LUM: variants seen among roughly 807,000 people sequenced by gnomAD.
LUM encodes the protein lumican.
Under a neutral mutation model 20.5 loss-of-function variants are expected in LUM, and 13 were observed. The ratio of observed to expected loss-of-function variants is 0.63; its 90% CI spans 0.41 to 1.01. The LOEUF is 1.01. LUM is among the 50% of genes least tolerant of loss of function. LUM has a pLI of 0.00. For missense variants in LUM, 321 were observed against 391.1 expected, an observed-to-expected ratio of 0.82 and a Z score of 1.51; for synonymous variants, 173 against 151.5, an observed-to-expected ratio of 1.14 and a Z score of -1.04.
intron 2 of LUM, among the ~76,000 whole-genome samples, chr12:91,107,333 GAA>G (rs1439253135): frequency 3.3e-4 from 42 of 127,864 alleles, no homozygotes; most frequent in African/African-American, 1.0e-3. Context: ...AAGAAAGAAA[GAA>G]AGAAAGAAAG....
chr12:91,107,073 G>C (rs1020225011), intron 2 of LUM, among the ~76,000 whole-genome samples: 6 of 150,462 alleles, frequency 4.0e-5, no homozygotes, highest in Non-Finnish European at 8.9e-5. Flanking sequence ...CTGAGCCTGG[G>C]GGGTGGAGGT....
rs1167696203 is a variant in LUM, at chr12:91,108,032, G to A, written c.862+86C>T. On this transcript the variant is annotated intron_variant, in intron 2 of 2. Transcript: ENST00000266718. This position sits in a 1 kb window ranked among gnomAD's most constrained non-coding sequence, Gnocchi z 4.2. Reference sequence around the variant, plus strand: ...CCGGGCGACATTTTGTTTTTTTAATGGAGCCAGATGCAATATCTGTGTTGT... The same window carrying A: ...CCGGGCGACATTTTGTTTTTTTAATAGAGCCAGATGCAATATCTGTGTTGT... 4 of 1,463,836 alleles carry A rather than the reference G, an allele frequency of 2.7e-6. No individual in the cohort carries two copies. Among genetic ancestry groups the A allele is most frequent in the African/African-American group, 2.8e-5 (2 of 71,682 alleles). 90.7% of individuals were successfully genotyped at this position (1,463,836 alleles called of 1,614,324 possible).
At chr12:91,110,661 G>A (rs575768329) in intron 1 of LUM, among the ~76,000 whole-genome samples, 8 of 152,202 alleles carry the variant, frequency 5.3e-5, no homozygotes, top group African/African-American at 1.9e-4. Flanking sequence ...GTATTAAATA[G>A]TAATGAAAAA....
chr12:91,107,993 A>C, intron 2 of LUM, 125 bp downstream of exon 2: 1 of 1,095,556 alleles, frequency 9.1e-7, no homozygotes, highest in Non-Finnish European at 1.4e-6. Context: ...ATTTACAGGA[A>C]TGAGCCACAG....
rs1879957182 is a variant in LUM at position 91,103,493 on chromosome 12, T to C, written c.*672A>G. Reference sequence around the variant, plus strand: ...TATCTTTTGATTTCTAATCTATTGTTTTATGTATTTTATATACAAAGTACA... The same window carrying C: ...TATCTTTTGATTTCTAATCTATTGTCTTATGTATTTTATATACAAAGTACA... On this transcript the variant is annotated 3_prime_UTR_variant, in exon 3 of 3. Transcript: ENST00000266718. 1 of 152,112 alleles carries C rather than the reference T, an allele frequency of 6.6e-6. No homozygotes were observed. Among genetic ancestry groups the C allele is most frequent in the Admixed American group, 6.6e-5 (1 of 15,244 alleles). 9.4% of individuals were successfully genotyped at this position (152,112 alleles called of 1,614,324 possible).
In LUM at chr12:91,102,681, A is replaced by G. The variant is rs1879935662; in HGVS notation, c.*1484T>C. 1 of 152,128 alleles carries G rather than the reference A, an allele frequency of 6.6e-6. No homozygotes were observed. Among genetic ancestry groups the G allele is most frequent in the Admixed American group, 6.6e-5 (1 of 15,246 alleles). The allele number at this position is 152,128 out of a possible 1,614,324, so 9.4% of individuals were successfully genotyped here. The stretch of plus-strand genomic sequence containing the variant: ...AAAAGTAGATTTCAAGTTTAAACCA[A>G]CAAATAAACTGAGGCTGCTATCACA... On this transcript the variant is annotated 3_prime_UTR_variant, in exon 3 of 3. Transcript: ENST00000266718.
In LUM at chr12:91,109,150, A is replaced by AT; in HGVS notation, c.-21-151dup. 6.2e-6 allele frequency: 4 copies of AT among 642,160 alleles called. No individual in the cohort carries two copies. The South Asian group carries it at 8.4e-5, about 14-fold the overall frequency. 39.8% of individuals were successfully genotyped at this position (642,160 alleles called of 1,614,324 possible). A position where few individuals can be genotyped will look rare whatever the true frequency, so the allele number is the denominator to read the frequency against. ...ATCTAACAGCGTCTTTTAAATTTTT[A>AT]TTTAGGTATGAGGACAAAGGTGTAT... On this transcript the variant is annotated intron_variant, in intron 1 of 2. Coordinates refer to ENST00000266718, the MANE Select transcript of LUM (RefSeq NM_002345.4).
At chr12:91,107,309 GAAAGAAAGAAAGAAAGAA>G (rs1592662612) in intron 2 of LUM, among the ~76,000 whole-genome samples, 1 of 113,930 alleles carries the variant, frequency 8.8e-6, no homozygotes. Flanking sequence ...AAGAAAGAAA[GAAAGAAAGAAAGAAAGAA>G]AGAAAGAAAG....
chr12:91,108,974 A>G lies in LUM; in HGVS notation c.6T>C (p.Ser2=). The G allele has an allele frequency of 1.2e-6, 2 of 1,612,168 alleles. No homozygotes were observed. Among genetic ancestry groups the G allele is most frequent in the Non-Finnish European group, 8.5e-7 (1 of 1,178,976 alleles). The part of the protein sequence containing the change: M[S]LSAFTLFLAL... ...CCAGGAAGAGAGTAAATGCACTTAG[A>G]CTCATTTTTGGCAAATGGTTTGAAT... Residue 2 remains serine, a synonymous_variant, in exon 2 of 3, where the codon AGT becomes AGC. Transcript: ENST00000266718. This position sits in a 1 kb window ranked among gnomAD's most constrained non-coding sequence, Gnocchi z 4.2.
chr12:91,109,469 G>A (rs1880156648), intron 1 of LUM, among the ~76,000 whole-genome samples: 1 of 152,122 alleles, frequency 6.6e-6, no homozygotes, highest in African/African-American at 2.4e-5. Context: ...TGGGCAACCT[G>A]AGGTTTTGCT....
At chr12:91,107,635 G>A (rs1251551323) in intron 2 of LUM, among the ~76,000 whole-genome samples, 1 of 152,110 alleles carries the variant, frequency 6.6e-6, no homozygotes, top group South Asian at 2.1e-4. Flanking sequence ...TCCTTATCTG[G>A]ATACACCAAA....
chr12:91,108,173 T>C lies in LUM; in HGVS notation c.807A>G (p.Ile269Met). The C allele has an allele frequency of 6.2e-7, 1 of 1,614,082 alleles. No homozygotes were observed. Among genetic ancestry groups the C allele is most frequent in the Non-Finnish European group, 8.5e-7 (1 of 1,179,940 alleles). Residue 269 changes from isoleucine (I) to methionine (M), a missense_variant, in exon 2 of 3, where the codon ATA becomes ATG. Ile to Met is a conservative substitution (Grantham distance 10). Coordinates refer to ENST00000266718, the MANE Select transcript of LUM (RefSeq NM_002345.4). This position sits in a 1 kb window ranked among gnomAD's most constrained non-coding sequence, Gnocchi z 4.2. Reference protein sequence around the residue: ...LDLSYNKLKNIPTVNENLENY... With the variant: ...LDLSYNKLKNMPTVNENLENY... ...TTTCAAGGTTTTCATTGACAGTTGG[T>C]ATGTTTTTAAGCTTGTTATAGGACA...
chr12:91,107,176 C>T lies in LUM; in HGVS notation c.862+942G>A, dbSNP rs184903004. Among the ~76,000 whole-genome samples, 69 of 81,200 alleles carry T rather than the reference C, an allele frequency of 8.5e-4. 1 individual carries two copies. In the East Asian group the frequency reaches 0.02, roughly 23 times the overall value. 53.3% of individuals were successfully genotyped at this position (81,200 alleles called of 152,430 possible). A position where few individuals can be genotyped will look rare whatever the true frequency, so the allele number is the denominator to read the frequency against. On this transcript the variant is annotated intron_variant, in intron 2 of 2. Transcript: ENST00000266718. Reference sequence around the variant, plus strand: ...AAAAGAAAGAAAGAAAGAAAGAAAACGAAAGAAAGAAAGAAGGAAAGAAAA... The same window carrying T: ...AAAAGAAAGAAAGAAAGAAAGAAAATGAAAGAAAGAAAGAAGGAAAGAAAA...
At chr12:91,107,251 GAAA>G (rs1880072992) in intron 2 of LUM, among the ~76,000 whole-genome samples, 668 of 22,658 alleles carry the variant, frequency 0.029, 2 homozygotes, top group East Asian at 0.12. Context: ...AAGAAAGAAA[GAAA>G]GAAAGAAAGA....
chr12:91,110,453 A>G (rs560084031), intron 1 of LUM, among the ~76,000 whole-genome samples: 1 of 152,288 alleles, frequency 6.6e-6, no homozygotes, highest in East Asian at 1.9e-4. Flanking sequence ...ATTACTCTCT[A>G]AGATTTTAAT....
intron 2 of LUM, among the ~76,000 whole-genome samples, chr12:91,107,301 GAAAGAA>G (rs1565758471): frequency 5.8e-4 from 63 of 108,328 alleles, no homozygotes; most frequent in African/African-American, 2.2e-3. Flanking sequence ...AAGAAAGAAA[GAAAGAA>G]AGAAAGAAAG....
intron 2 of LUM, among the ~76,000 whole-genome samples, chr12:91,107,277 A>C (rs1199906018): frequency 9.5e-6 from 1 of 104,738 alleles, no homozygotes; most frequent in Non-Finnish European, 1.9e-5. Flanking sequence ...GAAAGAAAGA[A>C]AGAAAGAAAG....
Position 91,108,416 on chromosome 12 carries a change from G to T in LUM, c.564C>A (p.Tyr188Ter). 6.2e-7 allele frequency: 1 copy of T among 1,614,120 alleles called. No homozygotes were observed. Among genetic ancestry groups the T allele is most frequent in the African/African-American group, 1.3e-5 (1 of 75,034 alleles). ...CTATCTGATTGAAGCTCAAGTCAAGGTATTCGAGTGATTTAAGACCTTTAA... is the reference window on the plus strand; with the variant it reads ...CTATCTGATTGAAGCTCAAGTCAAGTTATTCGAGTGATTTAAGACCTTTAA... ...AAFKGLKSLEYLDLSFNQIAR... is the reference protein window; with the variant it reads ...AAFKGLKSLE The change falls in exon 2 of 3, where the codon TAC (tyrosine) becomes TAA (stop). Residue 188 changes from tyrosine (Y) to a stop codon, truncating the protein, a stop_gained. Transcript: ENST00000266718. LOFTEE classifies it high-confidence loss of function. The surrounding 1 kb of genome is among the most constrained non-coding windows in gnomAD (Gnocchi z 4.2).
rs761268671 is a variant in LUM at position 91,108,713 on chromosome 12, T to C, written c.267A>G (p.Val89=). 6.2e-7 allele frequency: 1 copy of C among 1,614,120 alleles called. No homozygotes were observed. The highest frequency in any genetic ancestry group is 1.3e-5 in the African/African-American group (1 of 75,054). ...CTAGAATGAGCCACTGCAGATCAGT[T>C]ACATTCTCAAAGGCCTTTTCATCAA... ...DHIDEKAFEN[V]TDLQWLILDH... The change falls in exon 2 of 3, where the codon GTA becomes GTG. Residue 89 remains valine, a synonymous_variant. Transcript: ENST00000266718. This position sits in a 1 kb window ranked among gnomAD's most constrained non-coding sequence, Gnocchi z 4.2.
Sources: gnomAD v4.1 joint callset for allele counts (sites outside exome capture counted in the v4.1 genomes callset) on GRCh38, gnomAD v4.1.1 for gene constraint, Gnocchi (gnomAD v3.1) non-coding constraint, MANE v1.5 for transcripts, NCBI Gene and HGNC (gene_info 2026-07-23, HGNC 2026-07-21) for gene names.